Variants in SEMA5A observed in about 807,000 individuals in gnomAD.
SEMA5A encodes the protein semaphorin-5A.
In SEMA5A, 55 loss-of-function variants were observed where a neutral mutation model predicts 135.5. That is an observed-to-expected ratio of 0.41 (90% CI 0.33 to 0.51). The LOEUF (loss-of-function observed/expected upper bound fraction) is 0.51. Among genes scored for constraint, SEMA5A ranks in the 20% least tolerant of loss-of-function variants. The pLI, the probability that SEMA5A is intolerant of heterozygous loss-of-function variation, is 0.37. For missense variants in SEMA5A, 1,290 were observed against 1,419.9 expected, an observed-to-expected ratio of 0.91 and a Z score of 1.47; for synonymous variants, 580 against 546.5, an observed-to-expected ratio of 1.06 and a Z score of -0.85.
At chr5:9,360,818 T>A (rs1754657925) in intron 3 of SEMA5A, among the ~76,000 whole-genome samples, 1 of 152,246 alleles carries the variant, frequency 6.6e-6, no homozygotes, top group Non-Finnish European at 1.5e-5. Context: ...TTTCATTTTA[T>A]AATTTTCTTT....
At chr5:9,352,093 T>TCGG (rs551176431) in intron 3 of SEMA5A, among the ~76,000 whole-genome samples, 43 of 31,904 alleles carry the variant, frequency 1.3e-3, no homozygotes, top group Non-Finnish European at 4.1e-3. Context: ...ATGTAACAGG[T>TCGG]CGGGGGGGTT....
chr5:9,099,991 T>C (rs927848301), intron 16 of SEMA5A, among the ~76,000 whole-genome samples: 1 of 152,156 alleles, frequency 6.6e-6, no homozygotes, highest in African/African-American at 2.4e-5. Flanking sequence ...TCCAGAAAAA[T>C]GACTTTTCTT....
chr5:9,253,368 T>G (rs1748902726), intron 5 of SEMA5A, among the ~76,000 whole-genome samples: 1 of 152,146 alleles, frequency 6.6e-6, no homozygotes, highest in African/African-American at 2.4e-5. Context: ...GATAATTAAG[T>G]CTCTTAATTA....
At chr5:9,070,302 C>T (rs1042636094) in intron 16 of SEMA5A, among the ~76,000 whole-genome samples, 3 of 152,010 alleles carry the variant, frequency 2.0e-5, no homozygotes, top group Non-Finnish European at 2.9e-5. Context: ...ATCTGGGAGG[C>T]GGAGGTTGCA....
intron 11 of SEMA5A, among the ~76,000 whole-genome samples, chr5:9,167,448 G>A (rs1006339851): frequency 6.6e-6 from 1 of 152,100 alleles, no homozygotes; most frequent in African/African-American, 2.4e-5. Context: ...TGGCTAGGAT[G>A]GAATAGTCAA....
intron 1 of SEMA5A, among the ~76,000 whole-genome samples, chr5:9,520,916 C>T (rs1055551955): frequency 6.6e-6 from 1 of 152,144 alleles, no homozygotes; most frequent in African/African-American, 2.4e-5. Flanking sequence ...CTGGCACAGA[C>T]AATGGACATG....
chr5:9,342,820 A>G (rs1451907806), intron 3 of SEMA5A, among the ~76,000 whole-genome samples: 1 of 152,222 alleles, frequency 6.6e-6, no homozygotes, highest in Non-Finnish European at 1.5e-5. Context: ...AAACTGAGGC[A>G]TTGTAAGAGT....
intron 1 of SEMA5A, among the ~76,000 whole-genome samples, chr5:9,522,526 G>A (rs956909077): frequency 8.6e-5 from 13 of 152,040 alleles, no homozygotes; most frequent in Admixed American, 7.2e-4. Context: ...GTGGTGAGCC[G>A]AGATTGCGCC....
At chr5:9,466,240 G>T (rs1759255948) in intron 1 of SEMA5A, among the ~76,000 whole-genome samples, 1 of 150,766 alleles carries the variant, frequency 6.6e-6, no homozygotes, top group East Asian at 2.0e-4. Context: ...GAAGGGGGAG[G>T]GATAGCATTA....
At chr5:9,538,673 A>G (rs1737911797) in intron 1 of SEMA5A, among the ~76,000 whole-genome samples, 1 of 152,212 alleles carries the variant, frequency 6.6e-6, no homozygotes, top group South Asian at 2.1e-4. Context: ...AGTTTAACTG[A>G]TTTAATCTGG....
chr5:9,202,212 G>A lies in SEMA5A; in HGVS notation c.675C>T (p.Ile225=), dbSNP rs1481203380. The change falls in exon 9 of 23, where the codon ATC becomes ATT. Residue 225 remains isoleucine (I), a synonymous_variant. Transcript: ENST00000382496. ...GGAAAAAGAAGTAGGTAAAATTTCC[G>A]ATGTCATAAGATGACACAAAGTTTG... ...NEPNFVSSYD[I]GNFTYFFFRE... The A allele has an allele frequency of 1.5e-5, 25 of 1,613,386 alleles. No homozygotes were observed. Among genetic ancestry groups the A allele is most frequent in the South Asian group, 5.5e-5 (5 of 91,020 alleles).
intron 16 of SEMA5A, among the ~76,000 whole-genome samples, chr5:9,085,451 C>A (rs1738628419): frequency 6.6e-6 from 1 of 152,194 alleles, no homozygotes; most frequent in Non-Finnish European, 1.5e-5. Context: ...CCCAGCCACT[C>A]TAGCCATGGC....
chr5:9,216,742 C>T (rs895956973), intron 8 of SEMA5A, among the ~76,000 whole-genome samples: 35 of 152,146 alleles, frequency 2.3e-4, no homozygotes, highest in African/African-American at 8.2e-4. Context: ...TAATGCCTGT[C>T]TTTGTCTTTT....
intron 18 of SEMA5A, among the ~76,000 whole-genome samples, chr5:9,059,901 A>T (rs577795140): frequency 2.0e-5 from 3 of 152,356 alleles, no homozygotes; most frequent in Non-Finnish European, 4.4e-5. Context: ...TAAATAAAAT[A>T]CAGTGTCCAT....
At chr5:9,518,281 T>A (rs1369259616) in intron 1 of SEMA5A, among the ~76,000 whole-genome samples, 1 of 152,234 alleles carries the variant, frequency 6.6e-6, no homozygotes, top group African/African-American at 2.4e-5. Flanking sequence ...TGTGTCCTGA[T>A]GATAAAATGG....
intron 4 of SEMA5A, among the ~76,000 whole-genome samples, chr5:9,334,089 C>G (rs1232397104): frequency 6.6e-6 from 1 of 152,068 alleles, no homozygotes; most frequent in African/African-American, 2.4e-5. Context: ...CTTTTGCAGC[C>G]TAACGAACTT....
chr5:9,294,448 T>C (rs1371308524), intron 5 of SEMA5A, among the ~76,000 whole-genome samples: 1 of 152,216 alleles, frequency 6.6e-6, no homozygotes, highest in Non-Finnish European at 1.5e-5. Flanking sequence ...TAAAACCCTG[T>C]TCCTTCCTGG....
At chr5:9,537,480 T>A (rs75717579) in intron 1 of SEMA5A, among the ~76,000 whole-genome samples, 1,764 of 152,282 alleles carry the variant, frequency 0.012, 31 homozygotes, top group African/African-American at 0.04. Flanking sequence ...GTATGAAAGA[T>A]AAAAATGTCA....
intron 1 of SEMA5A, among the ~76,000 whole-genome samples, chr5:9,482,281 A>G (rs1309115241): frequency 6.6e-6 from 1 of 152,206 alleles, no homozygotes; most frequent in East Asian, 1.9e-4. Context: ...ACAAAGGAAA[A>G]ATATCTTATT....
Sources: gnomAD v4.1 joint callset for allele counts (sites outside exome capture counted in the v4.1 genomes callset) on GRCh38, gnomAD v4.1.1 for gene constraint, MANE v1.5 for transcripts, NCBI Gene and HGNC (gene_info 2026-07-23, HGNC 2026-07-21) for gene names.